Variants in CLVS1 observed in about 807,000 individuals in gnomAD.
The protein encoded by CLVS1 is clavesin-1.
Under a neutral mutation model 33.1 loss-of-function variants are expected in CLVS1, and 10 were observed. That is an observed-to-expected ratio of 0.30 (90% CI 0.19 to 0.51). The LOEUF is 0.51. Ranked by LOEUF, CLVS1 falls within the 20% of genes least tolerant of loss-of-function variation. The pLI is 0.97. For missense variants in CLVS1, 343 were observed against 433.4 expected (o/e 0.79, Z 1.85); for synonymous variants, 163 against 166.1 (o/e 0.98, Z 0.14).
chr8:61,451,043 T>C (rs28699663), intron 3 of CLVS1, among the ~76,000 whole-genome samples: 1,673 of 152,262 alleles, frequency 0.011, 32 homozygotes, highest in African/African-American at 0.038. Context: ...GCTGCATCTC[T>C]GGCTGCAGGC....
intron 3 of CLVS1, among the ~76,000 whole-genome samples, chr8:61,420,462 C>A (rs183558288): frequency 3.3e-5 from 5 of 152,140 alleles, no homozygotes; most frequent in South Asian, 2.1e-4. Context: ...ATTAGCTGGG[C>A]ATAGTGTCTC....
chr8:61,187,755 A>G (rs1032782197), intron 2 of CLVS1, among the ~76,000 whole-genome samples: 8 of 150,324 alleles, frequency 5.3e-5, no homozygotes, highest in Non-Finnish European at 8.9e-5. Context: ...TTATTTTTTA[A>G]ACTTATAAAA....
chr8:61,220,889 C>T (rs532608587), intron 2 of CLVS1, among the ~76,000 whole-genome samples: 24 of 152,022 alleles, frequency 1.6e-4, no homozygotes, highest in African/African-American at 4.3e-4. Flanking sequence ...CCTTGTTAGC[C>T]GTATTCCTAG....
the CLVS1 span, among the ~76,000 whole-genome samples, chr8:60,988,521 GA>G: frequency 8.1e-4 from 118 of 146,344 alleles, no homozygotes; most frequent in Middle Eastern, 6.9e-3. Flanking sequence ...AACAGCTGCT[GA>G]AAAAAAAAAG....
the CLVS1 span, among the ~76,000 whole-genome samples, chr8:61,043,898 A>G: frequency 6.6e-6 from 1 of 152,224 alleles, no homozygotes; most frequent in African/African-American, 2.4e-5. Context: ...CTCTAAAGTA[A>G]GTAACAAGTA....
At chr8:61,038,894 C>T in the CLVS1 span, among the ~76,000 whole-genome samples, 1 of 152,218 alleles carries the variant, frequency 6.6e-6, no homozygotes, top group Admixed American at 6.5e-5. Flanking sequence ...ACCTATTTCA[C>T]TGAAAACTTA....
intron 2 of CLVS1, among the ~76,000 whole-genome samples, chr8:61,186,224 G>A (rs2129301676): frequency 6.6e-6 from 1 of 152,288 alleles, no homozygotes; most frequent in South Asian, 2.1e-4. Flanking sequence ...AATCAAGTAA[G>A]GGCAAATGGG....
intron 2 of CLVS1, chr8:61,202,355 A>T: frequency 1.3e-6 from 1 of 741,212 alleles, no homozygotes; most frequent in Non-Finnish European, 2.5e-6. Flanking sequence ...CTCCCGATGG[A>T]AGATCTGATG....
chr8:61,255,975 A>G (rs1223473016), intron 2 of CLVS1, among the ~76,000 whole-genome samples: 5 of 152,140 alleles, frequency 3.3e-5, no homozygotes, highest in Non-Finnish European at 1.5e-5. Flanking sequence ...ATAACATAAG[A>G]TTTACCATTG....
chr8:61,496,968 T>G (rs934214773), intron 5 of CLVS1, among the ~76,000 whole-genome samples: 6 of 152,192 alleles, frequency 3.9e-5, no homozygotes, highest in African/African-American at 1.2e-4. Context: ...TGGAAAAAAC[T>G]AAGGGTTGTG....
the CLVS1 span, among the ~76,000 whole-genome samples, chr8:61,039,235 C>T: frequency 6.6e-6 from 1 of 152,236 alleles, no homozygotes; most frequent in Non-Finnish European, 1.5e-5. Context: ...TTATTACTTA[C>T]TCCAAGAGAC....
chr8:60,975,456 A>G, the CLVS1 span, among the ~76,000 whole-genome samples: 2 of 152,158 alleles, frequency 1.3e-5, no homozygotes, highest in Non-Finnish European at 2.9e-5. Context: ...TCAGTCAGAG[A>G]CTGGAACTGG....
chr8:61,437,479 C>T (rs1362668904), intron 3 of CLVS1, among the ~76,000 whole-genome samples: 2 of 152,090 alleles, frequency 1.3e-5, no homozygotes, highest in Admixed American at 6.6e-5. Flanking sequence ...GCAATGTATA[C>T]TTAGCAATTA....
intron 2 of CLVS1, among the ~76,000 whole-genome samples, chr8:61,198,083 T>G (rs1486253567): frequency 6.6e-6 from 1 of 150,500 alleles, no homozygotes; most frequent in Non-Finnish European, 1.5e-5. Flanking sequence ...CTATTCTGTG[T>G]GCAGATAGTT....
At chr8:61,021,278 G>A in the CLVS1 span, among the ~76,000 whole-genome samples, 2 of 152,178 alleles carry the variant, frequency 1.3e-5, no homozygotes, top group African/African-American at 2.4e-5. Context: ...CTCCTTGGAT[G>A]GCTGGTCTCC....
the CLVS1 span, among the ~76,000 whole-genome samples, chr8:60,971,138 A>G: frequency 1.5e-5 from 2 of 134,946 alleles, no homozygotes; most frequent in Admixed American, 8.8e-5. Flanking sequence ...TGCAGGTGGC[A>G]CAATCACAGC....
At chr8:61,139,816 C>A (rs752028818) in intron 2 of CLVS1, among the ~76,000 whole-genome samples, 4 of 152,090 alleles carry the variant, frequency 2.6e-5, no homozygotes, top group Non-Finnish European at 2.9e-5. Context: ...TCTGCGGCCC[C>A]GCCATTCTCC....
At chr8:61,373,288 C>T (rs909426655) in intron 2 of CLVS1, among the ~76,000 whole-genome samples, 7 of 152,138 alleles carry the variant, frequency 4.6e-5, no homozygotes, top group African/African-American at 1.4e-4. Context: ...AGACACAGTC[C>T]GTGCAACTCT....
intron 5 of CLVS1, among the ~76,000 whole-genome samples, chr8:61,478,054 C>G (rs1216584451): frequency 1.3e-5 from 2 of 152,190 alleles, no homozygotes; most frequent in African/African-American, 4.8e-5. Context: ...ATCTTTACTT[C>G]TGCCTTCATT....
Sources: gnomAD v4.1 joint callset for allele counts (sites outside exome capture counted in the v4.1 genomes callset) on GRCh38, gnomAD v4.1.1 for gene constraint, MANE v1.5 for transcripts, NCBI Gene and HGNC (gene_info 2026-07-23, HGNC 2026-07-21) for gene names.